IRF2: variants seen among roughly 807,000 people sequenced by gnomAD.
The protein encoded by IRF2 is interferon regulatory factor 2.
A neutral mutation model predicts 40.6 loss-of-function variants in IRF2; 15 were observed. The ratio of observed to expected loss-of-function variants is 0.37; its 90% confidence interval spans 0.25 to 0.57. IRF2 has a LOEUF of 0.57. Ranked by LOEUF, IRF2 falls within the 20% of genes least tolerant of loss-of-function variation. The pLI, the probability that IRF2 is intolerant of heterozygous loss-of-function variation, is 0.77. For synonymous variants in IRF2, 151 were observed against 165.5 expected, an observed-to-expected ratio of 0.91 and a Z score of 0.67; for missense variants, 317 against 455.7, an observed-to-expected ratio of 0.70 and a Z score of 2.77.
chr4:184,472,437 A>G (rs1321396105), intron 1 of IRF2: 1 of 152,102 alleles, frequency 6.6e-6, no homozygotes, highest in Admixed American at 6.6e-5. Context: ...AGTCGATATG[A>G]AAACTAGTAA....
chr4:184,432,764 C>G (rs370085836), intron 1 of IRF2, among the ~76,000 whole-genome samples: 1 of 152,130 alleles, frequency 6.6e-6, no homozygotes, highest in Admixed American at 6.5e-5. Flanking sequence ...GCACGTGAAG[C>G]CAAAGGCAGA....
intron 7 of IRF2, among the ~76,000 whole-genome samples, chr4:184,393,565 C>T (rs3775548): frequency 0.13 from 19,491 of 152,164 alleles, 1,436 homozygotes; most frequent in East Asian, 0.24. Flanking sequence ...TGAATGTGAC[C>T]GGGATGCTAA....
chr4:184,420,011 G>T (rs1737426329), intron 2 of IRF2, among the ~76,000 whole-genome samples: 1 of 152,188 alleles, frequency 6.6e-6, no homozygotes, highest in Admixed American at 6.5e-5. Context: ...AGGATTACTG[G>T]CATGTGCCAC....
At chr4:184,439,353 T>TAA (rs373302317) in intron 1 of IRF2, among the ~76,000 whole-genome samples, 107 of 136,750 alleles carry the variant, frequency 7.8e-4, no homozygotes, top group East Asian at 1.0e-3. Context: ...CGGGGGTACT[T>TAA]AAAAAAAAAA....
rs758949670 is a variant in IRF2, at chr4:184,389,086, G to A, written c.742-20C>T. 2 of 1,610,548 alleles carry A rather than the reference G, an allele frequency of 1.2e-6. No individual in the cohort carries two copies. The highest frequency in any genetic ancestry group is 1.1e-5 in the South Asian group (1 of 90,934). Reference sequence around the variant, plus strand: ...CCGCCCCTTTCAAGAAAGTAATTAAGATATGTATTTCCTTCTCCTTCTATT... The same window carrying A: ...CCGCCCCTTTCAAGAAAGTAATTAAAATATGTATTTCCTTCTCCTTCTATT... On this transcript the variant is annotated intron_variant, in intron 8 of 8. Transcript: ENST00000393593.
At chr4:184,405,113 G>A (rs568898101) in intron 6 of IRF2, among the ~76,000 whole-genome samples, 4 of 152,234 alleles carry the variant, frequency 2.6e-5, no homozygotes, top group African/African-American at 7.2e-5. Context: ...GCATGGTGGC[G>A]CATCCCTGTA....
intron 1 of IRF2, among the ~76,000 whole-genome samples, chr4:184,458,651 G>C (rs1739028421): frequency 6.6e-6 from 1 of 152,146 alleles, no homozygotes; most frequent in African/African-American, 2.4e-5. Flanking sequence ...TTATTTCTCT[G>C]TTTCTCACAT....
chr4:184,419,780 G>A (rs947610793), intron 2 of IRF2, among the ~76,000 whole-genome samples: 12 of 152,166 alleles, frequency 7.9e-5, no homozygotes, highest in African/African-American at 2.7e-4. Context: ...AGTCAGTCTC[G>A]TGAAGTCTTG....
At chr4:184,419,279 T>A (rs1257422366) in intron 3 of IRF2, among the ~76,000 whole-genome samples, 190 bp downstream of exon 3, 7 of 152,040 alleles carry the variant, frequency 4.6e-5, no homozygotes, top group African/African-American at 1.7e-4. Context: ...TAAGAGTGTA[T>A]GGGATGAGGG....
intron 1 of IRF2, among the ~76,000 whole-genome samples, chr4:184,440,668 C>A (rs1738272116): frequency 6.6e-6 from 1 of 152,236 alleles, no homozygotes; most frequent in South Asian, 2.1e-4. Context: ...AGGTCCTGTT[C>A]CCATTTTCCA....
At chr4:184,402,945 G>GA (rs916487923) in intron 6 of IRF2, among the ~76,000 whole-genome samples, 7 of 152,126 alleles carry the variant, frequency 4.6e-5, no homozygotes, top group East Asian at 1.9e-4. Context: ...ATGACTTGGG[G>GA]AAAAAAGTAG....
At chr4:184,470,313 A>G (rs541346020) in intron 1 of IRF2, among the ~76,000 whole-genome samples, 1 of 152,226 alleles carries the variant, frequency 6.6e-6, no homozygotes, top group Non-Finnish European at 1.5e-5. Flanking sequence ...ATCAGTTAAT[A>G]TTTACTTTCA....
intron 4 of IRF2, 121 bp from the exon 5 acceptor site, chr4:184,418,334 C>A: frequency 2.1e-6 from 2 of 975,160 alleles, no homozygotes; most frequent in South Asian, 2.7e-5. Flanking sequence ...TGTACATGGT[C>A]AAAATTCCAC....
intron 8 of IRF2, among the ~76,000 whole-genome samples, chr4:184,389,732 C>T (rs961914904): frequency 1.3e-5 from 2 of 152,128 alleles, no homozygotes; most frequent in Non-Finnish European, 1.5e-5. Context: ...CCCGATTATT[C>T]GATAGGTTTC....
chr4:184,437,482 A>G (rs1738125572), intron 1 of IRF2, among the ~76,000 whole-genome samples: 1 of 152,204 alleles, frequency 6.6e-6, no homozygotes, highest in Non-Finnish European at 1.5e-5. Context: ...TAGAGGCATA[A>G]GTCACCGTGC....
chr4:184,456,550 G>A (rs1335467646), intron 1 of IRF2, among the ~76,000 whole-genome samples: 1 of 152,234 alleles, frequency 6.6e-6, no homozygotes, highest in Non-Finnish European at 1.5e-5. Context: ...GCACCTCAGC[G>A]AGGGTCCCTG....
intron 1 of IRF2, among the ~76,000 whole-genome samples, chr4:184,470,944 T>A (rs1436677437): frequency 2.0e-5 from 3 of 152,144 alleles, no homozygotes; most frequent in Non-Finnish European, 4.4e-5. Flanking sequence ...CAGGAAAAAA[T>A]TCACTGACAA....
chr4:184,419,930 C>T (rs564907011), intron 2 of IRF2, among the ~76,000 whole-genome samples: 5 of 152,286 alleles, frequency 3.3e-5, no homozygotes, highest in East Asian at 1.9e-4. Flanking sequence ...TGTAGTGGCG[C>T]GATATCGGCT....
intron 1 of IRF2, among the ~76,000 whole-genome samples, chr4:184,453,293 A>C (rs780041413): frequency 2.6e-5 from 4 of 152,164 alleles, no homozygotes; most frequent in Non-Finnish European, 4.4e-5. Context: ...ATAAATTGAA[A>C]CTCATGCTGG....
Sources: allele counts gnomAD v4.1 joint callset (sites outside exome capture counted in the v4.1 genomes callset), GRCh38; gene constraint gnomAD v4.1.1; transcripts MANE v1.5; gene names NCBI Gene and HGNC (gene_info 2026-07-23, HGNC 2026-07-21).